The following RESF1 variants were observed in gnomAD, a reference collection of about 807,000 sequenced individuals.
RESF1 encodes the protein gonad expressed transcript.
RESF1 carries 65 observed loss-of-function variants against 134.7 expected under a neutral mutation model. The observed-to-expected ratio is 0.48, with a 90% CI of 0.40 to 0.59. RESF1 has a LOEUF of 0.59. Ranked by LOEUF, RESF1 falls within the 20% of genes least tolerant of loss-of-function variation. RESF1 has a pLI of 0.00. For synonymous variants in RESF1, 762 were observed against 702.2 expected (o/e 1.09, Z -1.35); for missense variants, 2,274 against 2,002.7 (o/e 1.14, Z -2.59).
Position 31,983,806 on chromosome 12 carries a change from G to A in RESF1, c.2851G>A (p.Asp951Asn), listed in dbSNP as rs1229169950. 1 of 1,612,274 alleles carries A rather than the reference G, an allele frequency of 6.2e-7. No homozygotes were observed. The highest frequency in any genetic ancestry group is 1.7e-5 in the Admixed American group (1 of 59,746). Residue 951 changes from aspartate to asparagine, a missense_variant, in exon 4 of 6, where the codon GAC (aspartate) becomes AAC (asparagine). Coordinates refer to ENST00000312561, the MANE Select transcript of RESF1 (RefSeq NM_018169.4). ...ATTAGATAATACCACTGAAAATAAA[G>A]ACTTTGGTTTTCAAAAAGATAAACC... ...KQLDNTTENK[D>N]FGFQKDKPVQ...
chr12:31,990,528 A>G (rs752880721), intron 5 of RESF1, among the ~76,000 whole-genome samples: 3 of 152,060 alleles, frequency 2.0e-5, no homozygotes, highest in African/African-American at 7.2e-5. Flanking sequence ...GCTCACTGCA[A>G]CCTCTGGTTC....
At chr12:31,971,668 C>A (rs1159253248) in intron 3 of RESF1, among the ~76,000 whole-genome samples, 1 of 152,136 alleles carries the variant, frequency 6.6e-6, no homozygotes, top group East Asian at 1.9e-4. Context: ...CGAGCAGTCT[C>A]CAAAGTGATA....
chr12:31,975,381 C>T (rs1279171531), intron 3 of RESF1, among the ~76,000 whole-genome samples: 2 of 152,188 alleles, frequency 1.3e-5, no homozygotes, highest in African/African-American at 4.8e-5. Context: ...TTGGATTAGT[C>T]ATACTGATAT....
intron 4 of RESF1, 189 bp from the exon 5 acceptor site, chr12:31,987,050 C>T (rs1366432105): frequency 4.3e-6 from 2 of 467,766 alleles, no homozygotes; most frequent in East Asian, 8.2e-5. Context: ...AAGATAAACT[C>T]ATTTTTTAAT....
chr12:31,967,825 G>C (rs1219401830), intron 2 of RESF1, among the ~76,000 whole-genome samples: 1 of 152,086 alleles, frequency 6.6e-6, no homozygotes, highest in Non-Finnish European at 1.5e-5. Flanking sequence ...TACAATTTCT[G>C]CTGAATGCCT....
chr12:31,990,593 A>G (rs1333297229), intron 5 of RESF1, among the ~76,000 whole-genome samples: 1 of 152,114 alleles, frequency 6.6e-6, no homozygotes, highest in Non-Finnish European at 1.5e-5. Flanking sequence ...AGCGTGAACC[A>G]CCTCACCTGG....
intron 2 of RESF1, among the ~76,000 whole-genome samples, chr12:31,967,632 C>A (rs565485249): frequency 2.0e-5 from 3 of 151,308 alleles, no homozygotes; most frequent in Non-Finnish European, 4.4e-5. Flanking sequence ...CCCCACCCCC[C>A]ACAACACCAG....
chr12:31,976,833 T>C (rs923710560), intron 3 of RESF1, among the ~76,000 whole-genome samples: 2 of 152,170 alleles, frequency 1.3e-5, no homozygotes, highest in East Asian at 3.8e-4. Flanking sequence ...CAGGGTAGCA[T>C]AGACAAAAGA....
chr12:31,968,586 T>C (rs1473544588), intron 2 of RESF1, among the ~76,000 whole-genome samples: 1 of 151,706 alleles, frequency 6.6e-6, no homozygotes, highest in Non-Finnish European at 1.5e-5. Context: ...GTAGCTGGGA[T>C]TACAGGCGCC....
Position 31,983,195 on chromosome 12 carries a change from C to T in RESF1, c.2240C>T (p.Ser747Phe), listed in dbSNP as rs1431737902. The stretch of plus-strand genomic sequence containing the variant: ...TCGATGGTAATGCACAATTATGAGT[C>T]TTCAGGTATAAATATAACAAAGGGA... ...ALSMVMHNYE[S>F]SGINITKGTE... is the part of the protein sequence containing the mutation. The change falls in exon 4 of 6, where the codon TCT (serine) becomes TTT (phenylalanine). Residue 747 changes from serine to phenylalanine, a missense_variant. Physicochemically the swap from Ser to Phe is radical, Grantham distance 155. Coordinates refer to ENST00000312561, the MANE Select transcript of RESF1 (RefSeq NM_018169.4). 1.2e-6 allele frequency: 2 copies of T among 1,610,848 alleles called. No individual in the cohort carries two copies. The highest frequency in any genetic ancestry group is 2.2e-5 in the East Asian group (1 of 44,856).
Position 31,982,962 on chromosome 12 carries a change from C to T in RESF1, c.2007C>T (p.Ser669=), listed in dbSNP as rs1019686436. 1.2e-6 allele frequency: 2 copies of T among 1,613,964 alleles called. No individual in the cohort carries two copies. Among genetic ancestry groups the T allele is most frequent in the Non-Finnish European group, 1.7e-6 (2 of 1,180,010 alleles). Residue 669 remains serine (S), a synonymous_variant, in exon 4 of 6, where the codon TCC becomes TCT. Transcript: ENST00000312561. The part of the protein sequence containing the change: ...GMPAKSDSSC[S]MEVLATCLSL... The stretch of plus-strand genomic sequence containing the variant: ...CTGCTAAAAGTGACAGTAGCTGTTC[C>T]ATGGAAGTGCTAGCAACCTGTCTTT...
chr12:31,976,502 G>T (rs924190963), intron 3 of RESF1, among the ~76,000 whole-genome samples: 3 of 152,062 alleles, frequency 2.0e-5, no homozygotes, highest in African/African-American at 7.2e-5. Flanking sequence ...TGGCCAACAT[G>T]GTGAAACCCT....
chr12:31,963,860 A>G (rs1592248926), intron 2 of RESF1, among the ~76,000 whole-genome samples: 1 of 152,168 alleles, frequency 6.6e-6, no homozygotes, highest in Non-Finnish European at 1.5e-5. Flanking sequence ...TAACACATGT[A>G]TGTTACTTCA....
intron 1 of RESF1, among the ~76,000 whole-genome samples, chr12:31,960,067 G>C (rs764698622): frequency 6.6e-6 from 1 of 152,006 alleles, no homozygotes; most frequent in Admixed American, 6.5e-5. Flanking sequence ...TCTCCAAGTG[G>C]TCCGCGAACG....
intron 5 of RESF1, among the ~76,000 whole-genome samples, chr12:31,990,613 G>A (rs1241915208): frequency 6.6e-6 from 1 of 152,028 alleles, no homozygotes; most frequent in African/African-American, 2.4e-5. Flanking sequence ...GCTGATTGTT[G>A]TATTTTTAGC....
In RESF1 at chr12:31,992,723, A is replaced by G. The variant is rs1021865622; in HGVS notation, c.*188A>G. 3 of 606,070 alleles carry G rather than the reference A, an allele frequency of 4.9e-6. No homozygotes were observed. Among genetic ancestry groups the G allele is most frequent in the Non-Finnish European group, 8.8e-6 (3 of 341,120 alleles). 37.5% of individuals were successfully genotyped at this position (606,070 alleles called of 1,614,324 possible). The stretch of plus-strand genomic sequence containing the variant: ...AACTTTGGGTAGCCATGTGTAAGAA[A>G]TGGATGGTATTCACCGGGGAAACAA... On this transcript the variant is annotated 3_prime_UTR_variant, in exon 6 of 6. Coordinates refer to ENST00000312561, the MANE Select transcript of RESF1 (RefSeq NM_018169.4).
Position 31,985,890 on chromosome 12 carries a change from T to C in RESF1, c.4935T>C (p.Asn1645=). 6.5e-7 allele frequency: 1 copy of C among 1,528,614 alleles called. No individual in the cohort carries two copies. Among genetic ancestry groups the C allele is most frequent in the Non-Finnish European group, 8.7e-7 (1 of 1,146,920 alleles). 94.7% of individuals were successfully genotyped at this position (1,528,614 alleles called of 1,614,324 possible). The change falls in exon 4 of 6, where the codon AAT becomes AAC. Residue 1645 remains asparagine (N), a synonymous_variant. Transcript: ENST00000312561. The part of the protein sequence containing the change: ...FKLCPDILLK[N]TNSVEERKDV... ...TATGTCCAGATATCTTACTAAAGAA[T>C]ACAAACTCTGTGGAAGAACGGAAGG...
At chr12:31,971,113 G>T (rs543658176) in intron 3 of RESF1, among the ~76,000 whole-genome samples, 1 of 152,132 alleles carries the variant, frequency 6.6e-6, no homozygotes, top group Non-Finnish European at 1.5e-5. Context: ...TTTTGTCTTA[G>T]TCTGTTTTGT....
Position 31,982,069 on chromosome 12 carries a change from A to G in RESF1, c.1114A>G (p.Ile372Val). ...QTLAQTNEEK[I>V]MDSCNPTSNQ... is the part of the protein sequence containing the mutation. ...TCTTGCTCAAACTAATGAAGAGAAA[A>G]TAATGGATTCTTGCAATCCAACTTC... Residue 372 changes from isoleucine to valine, a missense_variant, in exon 4 of 6, where the codon ATA (isoleucine) becomes GTA (valine). Ile to Val is a conservative substitution (Grantham distance 29, BLOSUM62 3). Coordinates refer to ENST00000312561, the MANE Select transcript of RESF1 (RefSeq NM_018169.4). 2 of 1,614,210 alleles carry G rather than the reference A, an allele frequency of 1.2e-6. No homozygotes were observed. The highest frequency in any genetic ancestry group is 1.7e-6 in the Non-Finnish European group (2 of 1,180,044).
Sources: allele counts gnomAD v4.1 joint callset (sites outside exome capture counted in the v4.1 genomes callset), GRCh38; gene constraint gnomAD v4.1.1; transcripts MANE v1.5; gene names NCBI Gene and HGNC (gene_info 2026-07-23, HGNC 2026-07-21).